Variants in PTCH1 observed in about 807,000 individuals in gnomAD.
PTCH1 encodes protein patched homolog 1.
Under a neutral mutation model 144.6 loss-of-function variants are expected in PTCH1, and 14 were observed. The ratio of observed to expected loss-of-function variants is 0.10; its 90% CI spans 0.06 to 0.15. The LOEUF is 0.15. Among genes scored for constraint, PTCH1 ranks in the 10% least tolerant of loss-of-function variants. The pLI, the probability that PTCH1 is intolerant of heterozygous loss-of-function variation, is 1.00. For synonymous variants in PTCH1, 833 were observed against 793.6 expected (o/e 1.05, Z -0.83); for missense variants, 1,623 against 1,948.3 (o/e 0.83, Z 3.14).
rs1447732065 is a variant in PTCH1, at chr9:95,480,108, C to A, written c.946-18G>T. ...TCAAGAGGCTAAAATAAAAAGACAG[C>A]CACATAATTATGGGAATTAGTAGGC... On this transcript the variant is annotated intron_variant, in intron 6 of 23. Coordinates refer to ENST00000331920, the MANE Select transcript of PTCH1 (RefSeq NM_000264.5). 1.9e-6 allele frequency: 3 copies of A among 1,613,578 alleles called. No individual in the cohort carries two copies. The highest frequency in any genetic ancestry group is 4.5e-5 in the East Asian group (2 of 44,866).
chr9:95,483,425 AAAAG>A (rs1390012066), intron 3 of PTCH1: 2 of 151,486 alleles, frequency 1.3e-5, no homozygotes, highest in Admixed American at 6.6e-5. Flanking sequence ...AAAAAAAAAA[AAAAG>A]AAAGAAACAC....
At position 95,468,957 on chromosome 9, in the gene PTCH1, G is replaced by A. The variant is rs570441437; in HGVS notation, c.2044C>T (p.Arg682Cys). ...ACGGGCTGCACAGAGATCTCGGAGC[G>A]CGGCTCAGCGGTGGTGTAGTACACG... Reference protein sequence around the residue: ...THVYYTTAEPRSEISVQPVTV... With the variant: ...THVYYTTAEPCSEISVQPVTV... Residue 682 changes from arginine to cysteine, a missense_variant, in exon 14 of 24, where the codon CGC (arginine) becomes TGC (cysteine). By Grantham distance (180) the Arg-to-Cys change is radical. Around this residue, in one of 7 missense-constraint regions of PTCH1, gnomAD observed 179 missense variants for 165.7 expected, o/e 1.08. Transcript: ENST00000331920. 95 of 1,614,166 alleles carry A rather than the reference G, an allele frequency of 5.9e-5. No homozygotes were observed. The African/African-American group carries it at 7.3e-4, about 12-fold the overall frequency.
At chr9:95,513,167 G>A (rs868599346), upstream of PTCH1, among the ~76,000 whole-genome samples, 2 of 152,190 alleles carry the variant, frequency 1.3e-5, no homozygotes, top group Admixed American at 1.3e-4. Flanking sequence ...ATGTTCCAAT[G>A]GTAAGCAATT....
At chr9:95,481,896 A>G (rs764122656) in intron 5 of PTCH1, 53 bp downstream of exon 5, 1 of 1,433,030 alleles carries the variant, frequency 7.0e-7, no homozygotes, top group Middle Eastern at 1.7e-4. Context: ...AACATTAGAA[A>G]CACTGAGTCC....
chr9:95,449,386 G>A lies in PTCH1; in HGVS notation c.3550-63C>T, dbSNP rs1461995123. The A allele has an allele frequency of 6.5e-7, 1 of 1,534,992 alleles. No individual in the cohort carries two copies. Among genetic ancestry groups the A allele is most frequent in the Non-Finnish European group, 8.7e-7 (1 of 1,144,816 alleles). On this transcript the variant is annotated intron_variant, in intron 21 of 23. Transcript: ENST00000331920. This position sits in a 1 kb window ranked among gnomAD's most constrained non-coding sequence, Gnocchi z 5.3. ...CATTTACCTGCTGGCCACACTCAAAGCTCAAAGCACGGTATTTTTCAGGGG... is the reference window on the plus strand; with the variant it reads ...CATTTACCTGCTGGCCACACTCAAAACTCAAAGCACGGTATTTTTCAGGGG...
exon 1 of PTCH1, chr9:95,516,933 G>T: frequency 1.1e-6 from 1 of 891,126 alleles, no homozygotes; most frequent in Admixed American, 2.7e-5. Context: ...AAGTAAACTC[G>T]AGGAACGTGC....
chr9:95,509,664 A>G (rs1417552045), upstream of PTCH1, among the ~76,000 whole-genome samples: 2 of 152,130 alleles, frequency 1.3e-5, no homozygotes, highest in African/African-American at 4.8e-5. Context: ...GAAATGTAAT[A>G]TTTTTTTAAG....
chr9:95,459,576 A>AC lies in PTCH1; in HGVS notation c.2887+23dup, dbSNP rs1839270045. 4 of 1,612,350 alleles carry AC rather than the reference A, an allele frequency of 2.5e-6. 1 individual carries two copies. The East Asian group carries it at 6.7e-5, about 27-fold the overall frequency. Reference sequence around the variant, plus strand: ...GGAAGGCACCTCTGTAAGTTCCCAGACCTCCCGATAAAACGCTACTTACTT... The same window carrying AC: ...GGAAGGCACCTCTGTAAGTTCCCAGACCCTCCCGATAAAACGCTACTTACTT... On this transcript the variant is annotated intron_variant, in intron 17 of 23. Coordinates refer to ENST00000331920, the MANE Select transcript of PTCH1 (RefSeq NM_000264.5).
chr9:95,475,745 C>A lies in PTCH1; in HGVS notation c.1728+289G>T, dbSNP rs1840977212. Among the ~76,000 whole-genome samples the A allele has an allele frequency of 2.0e-5, 3 of 152,020 alleles. No individual in the cohort carries two copies. In the South Asian group the frequency reaches 6.2e-4, roughly 32 times the overall value. ...GACCCCAGAGGGCAACATGGAGTAG[C>A]CCCGAAAGCCATGCATAAAGGACAT... On this transcript the variant is annotated intron_variant, in intron 12 of 23. Transcript: ENST00000331920.
chr9:95,507,520 C>A, intron 1 of PTCH1: 1 of 858,296 alleles, frequency 1.2e-6, no homozygotes, highest in Non-Finnish European at 1.4e-6. Context: ...TACAACTTTT[C>A]CTCCCCCGAC....
chr9:95,489,858 T>A (rs1263015683), intron 2 of PTCH1, among the ~76,000 whole-genome samples: 4 of 150,744 alleles, frequency 2.7e-5, no homozygotes, highest in Non-Finnish European at 3.0e-5. Context: ...TGGAGTGCAG[T>A]GGCCCCATCT....
chr9:95,492,245 T>C (rs1842458934), intron 2 of PTCH1, among the ~76,000 whole-genome samples: 1 of 152,244 alleles, frequency 6.6e-6, no homozygotes, highest in African/African-American at 2.4e-5. Context: ...TGCAGGTATC[T>C]GGTGATGCTA....
intron 12 of PTCH1, among the ~76,000 whole-genome samples, chr9:95,471,714 C>T (rs1414879011): frequency 6.6e-6 from 1 of 152,184 alleles, no homozygotes; most frequent in Non-Finnish European, 1.5e-5. Context: ...TCAAGGCAGG[C>T]TTCCCGGGAG....
At position 95,456,280 on chromosome 9, in the gene PTCH1, G is replaced by A. The variant is rs2136647201; in HGVS notation, c.3302C>T (p.Ala1101Val). ...TGCTTCAAATGTCTCCCATACCAAAGCAACGTGAACGGTGAACTCCACTCC... is the reference window on the plus strand; with the variant it reads ...TGCTTCAAATGTCTCCCATACCAAAACAACGTGAACGGTGAACTCCACTCC... ...GIGVEFTVHV[A>V]LAFLTAIGDK... The change falls in exon 19 of 24, where the codon GCT (alanine) becomes GTT (valine). Residue 1101 changes from alanine (A) to valine (V), a missense_variant. Transcript: ENST00000331920. The A allele has an allele frequency of 1.2e-6, 2 of 1,613,786 alleles. No individual in the cohort carries two copies. Among genetic ancestry groups the A allele is most frequent in the South Asian group, 1.1e-5 (1 of 91,084 alleles).
chr9:95,512,349 G>A (rs1844197032), upstream of PTCH1, among the ~76,000 whole-genome samples: 1 of 152,058 alleles, frequency 6.6e-6, no homozygotes, highest in Non-Finnish European at 1.5e-5. Context: ...CCGGAGCCTC[G>A]GCTCTAACGA....
In PTCH1 at chr9:95,459,807, G is replaced by C. The variant is rs368607507; in HGVS notation, c.2704-24C>G. On this transcript the variant is annotated intron_variant, in intron 16 of 23. Transcript: ENST00000331920. ...AACTACAAAAACGGGAAGAACAGAGGCCTTTGAGAATGGGGTTGGGGGTAA... is the reference window on the plus strand; with the variant it reads ...AACTACAAAAACGGGAAGAACAGAGCCCTTTGAGAATGGGGTTGGGGGTAA... 28 of 1,612,880 alleles carry C rather than the reference G, an allele frequency of 1.7e-5. No individual in the cohort carries two copies. In the African/African-American group the frequency reaches 2.8e-4, roughly 16 times the overall value.
chr9:95,480,213 A>T, intron 6 of PTCH1, 123 bp from the exon 7 acceptor site: 1 of 1,545,804 alleles, frequency 6.5e-7, no homozygotes, highest in Non-Finnish European at 8.9e-7. Context: ...GGCTAATGGG[A>T]GGTGTATGGC....
rs940618238 is a variant in PTCH1 at position 95,462,709 on chromosome 9, C to T, written c.2561-711G>A. On this transcript the variant is annotated intron_variant, in intron 15 of 23. Transcript: ENST00000331920. ...GGGTAAATTTGGATCCGATTGAGAA[C>T]AGGAAGCCACAGGCCAATACAAGGA... 5.9e-5 allele frequency among the ~76,000 whole-genome samples: 9 copies of T among 152,244 alleles called. No homozygotes were observed. The East Asian group carries it at 1.5e-3, about 26-fold the overall frequency.
At chr9:95,456,502 T>A (rs1838942591) in intron 18 of PTCH1, 89 bp from the exon 19 acceptor site, 7 of 1,500,432 alleles carry the variant, frequency 4.7e-6, no homozygotes, top group Non-Finnish European at 6.3e-6. Flanking sequence ...TAAGGTGTCC[T>A]CGGTTCAGAT....
Sources: gnomAD v4.1 joint callset for allele counts (sites outside exome capture counted in the v4.1 genomes callset) on GRCh38, gnomAD v4.1.1 for gene constraint, gnomAD v4.1.1 regional missense constraint, Gnocchi (gnomAD v3.1) non-coding constraint, MANE v1.5 for transcripts, NCBI Gene and HGNC (gene_info 2026-07-23, HGNC 2026-07-21) for gene names.